ACADSB: variants seen among roughly 807,000 people sequenced by gnomAD.
ACADSB encodes acyl-CoA dehydrogenase short/branched chain.
In ACADSB, 40 loss-of-function variants were observed where a neutral mutation model predicts 54.1. The ratio of observed to expected loss-of-function variants is 0.74; its 90% CI spans 0.57 to 0.96. The LOEUF is 0.96. Ranked by LOEUF, ACADSB falls within the 40% of genes least tolerant of loss-of-function variation. The pLI, the probability that ACADSB is intolerant of heterozygous loss-of-function variation, is 0.00. For synonymous variants in ACADSB, 182 were observed against 182.8 expected (o/e 1.00, Z 0.03); for missense variants, 530 against 510.4 (o/e 1.04, Z -0.37).
At chr10:123,043,953 C>G (rs932253691) in intron 6 of ACADSB, among the ~76,000 whole-genome samples, 1 of 152,172 alleles carries the variant, frequency 6.6e-6, no homozygotes, top group African/African-American at 2.4e-5. Flanking sequence ...CATGCACACA[C>G]ACATATACCC....
At chr10:123,034,322 G>T in intron 1 of ACADSB, 34 bp from the exon 2 acceptor site, 1 of 1,603,846 alleles carries the variant, frequency 6.2e-7, no homozygotes. Flanking sequence ...TGATATTCAA[G>T]TACCTTTCTT....
chr10:123,026,157 CA>C (rs907159076), intron 1 of ACADSB, among the ~76,000 whole-genome samples: 7 of 152,136 alleles, frequency 4.6e-5, no homozygotes, highest in Non-Finnish European at 8.8e-5. Context: ...ATTAAAACAG[CA>C]TACTGTTTTG....
At position 123,057,548 on chromosome 10, in the gene ACADSB, T is replaced by C. The variant is rs578127219; in HGVS notation, c.*3783T>C. 198 of 152,344 alleles carry C rather than the reference T, an allele frequency of 1.3e-3. 1 individual carries two copies. The highest frequency in any genetic ancestry group is 4.5e-3 in the African/African-American group (189 of 41,590). 9.4% of individuals were successfully genotyped at this position (152,344 alleles called of 1,614,324 possible). Reference sequence around the variant, plus strand: ...AGCCTCCTGAAGCCTGCCATCATTGTTAATTTGAGGACTGGGCTGTCTTGG... The same window carrying C: ...AGCCTCCTGAAGCCTGCCATCATTGCTAATTTGAGGACTGGGCTGTCTTGG... On this transcript the variant is annotated 3_prime_UTR_variant, in exon 11 of 11. Coordinates refer to ENST00000358776, the MANE Select transcript of ACADSB (RefSeq NM_001609.4).
intron 1 of ACADSB, among the ~76,000 whole-genome samples, chr10:123,017,918 G>A (rs922117481): frequency 5.9e-5 from 9 of 152,230 alleles, no homozygotes; most frequent in Admixed American, 2.6e-4. Flanking sequence ...ATAAGAAGTT[G>A]TAGAGACCAA....
At chr10:123,041,412 C>T in intron 5 of ACADSB, 33 bp downstream of exon 5, 1 of 1,603,806 alleles carries the variant, frequency 6.2e-7, no homozygotes, top group Non-Finnish European at 8.5e-7. Context: ...TTTCTTTTTC[C>T]AAACCCCTTC....
chr10:123,032,537 G>A lies in ACADSB; in HGVS notation c.43-1819G>A, dbSNP rs1037046865. On this transcript the variant is annotated intron_variant, in intron 1 of 10. Coordinates refer to ENST00000358776, the MANE Select transcript of ACADSB (RefSeq NM_001609.4). The stretch of plus-strand genomic sequence containing the variant: ...AAGGCTCCACCACCAGCCAGTGAGC[G>A]GACTTGGCCCCCATGCTTACTTCTC... Among the ~76,000 whole-genome samples the A allele has an allele frequency of 1.2e-4, 18 of 151,468 alleles. No homozygotes were observed. In the East Asian group the frequency reaches 1.4e-3, roughly 11 times the overall value.
At chr10:123,048,299 C>A (rs1850586550) in intron 8 of ACADSB, among the ~76,000 whole-genome samples, 1 of 152,190 alleles carries the variant, frequency 6.6e-6, no homozygotes. Context: ...CCCAGAAGGA[C>A]TGAGAGTGGC....
Position 123,043,173 on chromosome 10 carries a change from T to C in ACADSB, c.807+2T>C. On this transcript the variant is annotated splice_donor_variant, in intron 6 of 10. Transcript: ENST00000358776. LOFTEE classifies it high-confidence loss of function. Reference sequence around the variant, plus strand: ...CCGTTAACATTCGAAAATGTCAAGGTGGGTATCGTAGACTAATCAGTAAAA... The same window carrying C: ...CCGTTAACATTCGAAAATGTCAAGGCGGGTATCGTAGACTAATCAGTAAAA... 1 of 1,613,566 alleles carries C rather than the reference T, an allele frequency of 6.2e-7. No homozygotes were observed.
rs917460929 is a variant in ACADSB at position 123,036,157 on chromosome 10, G to A, written c.203-1590G>A. Reference sequence around the variant, plus strand: ...TGTTGGAATGCAATGGCACTATCTCGGCTCACTGCAACCTCTGCCTCCTGG... The same window carrying A: ...TGTTGGAATGCAATGGCACTATCTCAGCTCACTGCAACCTCTGCCTCCTGG... On this transcript the variant is annotated intron_variant, in intron 2 of 10. Coordinates refer to ENST00000358776, the MANE Select transcript of ACADSB (RefSeq NM_001609.4). Among the ~76,000 whole-genome samples the A allele has an allele frequency of 7.9e-5, 12 of 151,962 alleles. No homozygotes were observed. In the South Asian group the frequency reaches 8.3e-4, roughly 11 times the overall value.
At chr10:123,040,037 A>C (rs1850449084) in intron 3 of ACADSB, among the ~76,000 whole-genome samples, 1 of 152,022 alleles carries the variant, frequency 6.6e-6, no homozygotes, top group African/African-American at 2.4e-5. Context: ...ATAAATACAA[A>C]ATTTTAAAAT....
chr10:123,049,258 C>T (rs1298798192), intron 8 of ACADSB, among the ~76,000 whole-genome samples: 1 of 152,222 alleles, frequency 6.6e-6, no homozygotes, highest in Non-Finnish European at 1.5e-5. Context: ...GACCTCAAGA[C>T]TACATGGTCC....
intron 1 of ACADSB, chr10:123,027,594 T>TAAC: frequency 2.2e-6 from 1 of 452,470 alleles, no homozygotes; most frequent in South Asian, 1.6e-5. Context: ...TATGGAACTG[T>TAAC]AAGTCCAGTT....
chr10:123,023,848 A>G (rs554929576), intron 1 of ACADSB, among the ~76,000 whole-genome samples: 2 of 152,312 alleles, frequency 1.3e-5, no homozygotes, highest in African/African-American at 2.4e-5. Flanking sequence ...AAAATTTCCC[A>G]TTGTCATCTG....
Position 123,041,320 on chromosome 10 carries a change from A to G in ACADSB, c.622A>G (p.Ile208Val). The G allele has an allele frequency of 1.2e-6, 2 of 1,614,224 alleles. No individual in the cohort carries two copies. The highest frequency in any genetic ancestry group is 1.7e-6 in the Non-Finnish European group (2 of 1,180,034). ...YYVLNGSKMW[I>V]SSAEHAGLFL... ...TGTCCTCAATGGATCAAAGATGTGG[A>G]TCAGCAGTGCTGAGCACGCAGGGCT... is the stretch of plus-strand genomic sequence containing the variant. Residue 208 changes from isoleucine (I) to valine (V), a missense_variant, in exon 5 of 11, where the codon ATC becomes GTC. By Grantham distance (29) the Ile-to-Val change is conservative. Coordinates refer to ENST00000358776, the MANE Select transcript of ACADSB (RefSeq NM_001609.4).
At chr10:123,038,172 A>C (rs1850424531) in intron 3 of ACADSB, among the ~76,000 whole-genome samples, 1 of 152,198 alleles carries the variant, frequency 6.6e-6, no homozygotes, top group African/African-American at 2.4e-5. Flanking sequence ...TGCCACAGCT[A>C]AGGCGTGCTA....
intron 1 of ACADSB, among the ~76,000 whole-genome samples, chr10:123,018,071 T>C (rs1426878959): frequency 6.6e-6 from 1 of 152,196 alleles, no homozygotes; most frequent in Non-Finnish European, 1.5e-5. Context: ...CTTCCCATCA[T>C]GGCCTGAAAC....
At chr10:123,017,880 G>A (rs1850128108) in intron 1 of ACADSB, among the ~76,000 whole-genome samples, 1 of 152,154 alleles carries the variant, frequency 6.6e-6, no homozygotes, top group African/African-American at 2.4e-5. Context: ...AAAACCTGGG[G>A]TGAATAGAAA....
At position 123,054,763 on chromosome 10, in the gene ACADSB, G is replaced by A. The variant is rs1850682980; in HGVS notation, c.*998G>A. 6.6e-6 allele frequency: 1 copy of A among 152,138 alleles called. No homozygotes were observed. The highest frequency in any genetic ancestry group is 1.5e-5 in the Non-Finnish European group (1 of 68,018). 9.4% of individuals were successfully genotyped at this position (152,138 alleles called of 1,614,324 possible). A position where few individuals can be genotyped will look rare whatever the true frequency, so the allele number is the denominator to read the frequency against. On this transcript the variant is annotated 3_prime_UTR_variant, in exon 11 of 11. Transcript: ENST00000358776. ...ATGTGCATTAGTTTTCAAGTATAAG[G>A]TTTAAGTAATTTGGTTTAATAATCA...
chr10:123,014,487 A>G lies in ACADSB; in HGVS notation c.42+5416A>G, dbSNP rs1189573802. 2.6e-5 allele frequency among the ~76,000 whole-genome samples: 4 copies of G among 152,232 alleles called. No individual in the cohort carries two copies. The South Asian group carries it at 8.3e-4, about 31-fold the overall frequency. On this transcript the variant is annotated intron_variant, in intron 1 of 10. Transcript: ENST00000358776. ...AGTGCTGGGATTGCAGGCATGAGCCACTGTGCCTGGACAACACTAGCTATT... is the reference window on the plus strand; with the variant it reads ...AGTGCTGGGATTGCAGGCATGAGCCGCTGTGCCTGGACAACACTAGCTATT...
Sources: allele counts gnomAD v4.1 joint callset (sites outside exome capture counted in the v4.1 genomes callset), GRCh38; gene constraint gnomAD v4.1.1; transcripts MANE v1.5; gene names NCBI Gene and HGNC (gene_info 2026-07-23, HGNC 2026-07-21).